SLC39A11: variants seen among roughly 807,000 people sequenced by gnomAD.
SLC39A11 encodes the protein solute carrier family 39 member 11, also known as zinc transporter ZIP11.
Under a neutral mutation model 36.1 loss-of-function variants are expected in SLC39A11, and 33 were observed. The observed-to-expected ratio is 0.91, with a 90% CI of 0.69 to 1.22. The LOEUF (loss-of-function observed/expected upper bound fraction) is 1.22. SLC39A11 is among the 50% of genes most tolerant of loss of function. The pLI is 0.00. For missense variants in SLC39A11, 432 were observed against 430.3 expected (o/e 1.00, Z -0.03); for synonymous variants, 166 against 170.3 (o/e 0.97, Z 0.20).
At chr17:72,686,700 G>C (rs2071768281) in intron 7 of SLC39A11, among the ~76,000 whole-genome samples, 1 of 152,180 alleles carries the variant, frequency 6.6e-6, no homozygotes, top group Non-Finnish European at 1.5e-5. Flanking sequence ...CCACAGGCAG[G>C]AATCAGGGCA....
At chr17:72,743,677 T>C (rs898891776) in intron 6 of SLC39A11, among the ~76,000 whole-genome samples, 1 of 151,802 alleles carries the variant, frequency 6.6e-6, no homozygotes, top group Non-Finnish European at 1.5e-5. Context: ...TAGTTATGCA[T>C]GCAGAAGGAA....
intron 7 of SLC39A11, among the ~76,000 whole-genome samples, chr17:72,685,039 A>T (rs57262674): frequency 0.49 from 74,242 of 152,126 alleles, 20,474 homozygotes; most frequent in South Asian, 0.67. Flanking sequence ...GAGCAGGGAA[A>T]TGATCATCGA....
chr17:73,056,331 G>A (rs143408006), intron 3 of SLC39A11, among the ~76,000 whole-genome samples: 2,423 of 152,214 alleles, frequency 0.016, 66 homozygotes, highest in African/African-American at 0.054. Flanking sequence ...ACCATGCCTA[G>A]CTAATTTTTG....
At chr17:72,691,626 T>C (rs2072033332) in intron 7 of SLC39A11, among the ~76,000 whole-genome samples, 2 of 152,212 alleles carry the variant, frequency 1.3e-5, no homozygotes, top group African/African-American at 4.8e-5. Context: ...TTGAGATGAA[T>C]TCCACTAACA....
chr17:72,855,220 T>C (rs1447144953), intron 5 of SLC39A11, among the ~76,000 whole-genome samples: 1 of 152,234 alleles, frequency 6.6e-6, no homozygotes, highest in Non-Finnish European at 1.5e-5. Flanking sequence ...AACATCTTGC[T>C]AGATAAATGC....
chr17:73,060,210 C>CAAAAAAAAAAAAAAAAAAA (rs33931672), intron 3 of SLC39A11, among the ~76,000 whole-genome samples: 3 of 70,344 alleles, frequency 4.3e-5, no homozygotes, highest in African/African-American at 5.6e-5. Context: ...AACTCCATCT[C>CAAAAAAAAAAAAAAAAAAA]AAAAAAAAAA....
Position 72,681,624 on chromosome 17 carries a change from G to A in SLC39A11, c.672-32356C>T, listed in dbSNP as rs566170574. ...AGACATTTTCACATTCTGAAACAAC[G>A]AGGGGTTGAACAACAACCCTTGAGC... On this transcript the variant is annotated intron_variant, in intron 7 of 9. Transcript: ENST00000255559. 5.9e-5 allele frequency among the ~76,000 whole-genome samples: 9 copies of A among 152,232 alleles called. No homozygotes were observed. In the East Asian group the frequency reaches 1.2e-3, roughly 20 times the overall value.
chr17:72,914,121 C>A (rs1475043244), intron 5 of SLC39A11, among the ~76,000 whole-genome samples: 1 of 151,760 alleles, frequency 6.6e-6, no homozygotes, highest in African/African-American at 2.4e-5. Flanking sequence ...TCAAGACCAT[C>A]CTGGCTAACA....
chr17:72,849,012 T>G (rs2079176835), intron 6 of SLC39A11, among the ~76,000 whole-genome samples: 1 of 152,180 alleles, frequency 6.6e-6, no homozygotes, highest in African/African-American at 2.4e-5. Context: ...GTACATATAG[T>G]GTATGTTATA....
intron 3 of SLC39A11, among the ~76,000 whole-genome samples, chr17:73,038,753 GGGAGGGAGGAGGGATGGA>G (rs1198591940): frequency 3.3e-5 from 4 of 120,582 alleles, no homozygotes; most frequent in South Asian, 3.0e-4. Context: ...GGAGGGAGGA[GGGAGGGAGGAGGGATGGA>G]GGAGGGAGGG....
rs550025310 is a variant in SLC39A11, at chr17:72,747,341, G to A, written c.602-10622C>T. On this transcript the variant is annotated intron_variant, in intron 6 of 9. Transcript: ENST00000255559. Reference sequence around the variant, plus strand: ...AATTTTTGTATTTTTAGTAGAGGCGGGGTTTTTGCCATGTTGGCCAGGCTG... The same window carrying A: ...AATTTTTGTATTTTTAGTAGAGGCGAGGTTTTTGCCATGTTGGCCAGGCTG... Among the ~76,000 whole-genome samples, 173 of 152,278 alleles carry A rather than the reference G, an allele frequency of 1.1e-3. 2 individuals carry two copies. The highest frequency in any genetic ancestry group is 6.8e-3 in the Middle Eastern group (2 of 294).
At chr17:72,697,150 A>G (rs2072342189) in intron 7 of SLC39A11, among the ~76,000 whole-genome samples, 1 of 152,140 alleles carries the variant, frequency 6.6e-6, no homozygotes, top group African/African-American at 2.4e-5. Flanking sequence ...TGGTCTGATC[A>G]CAGCTCGCTG....
At chr17:73,071,566 G>A (rs370936681) in intron 3 of SLC39A11, among the ~76,000 whole-genome samples, 2 of 152,172 alleles carry the variant, frequency 1.3e-5, no homozygotes, top group African/African-American at 4.8e-5. Context: ...CCAGCACAGT[G>A]GTCCCGATGG....
chr17:72,794,636 T>C (rs2076832621), intron 6 of SLC39A11, among the ~76,000 whole-genome samples: 1 of 151,980 alleles, frequency 6.6e-6, no homozygotes, highest in African/African-American at 2.4e-5. Flanking sequence ...CATTAGCACC[T>C]TACTTGTGCA....
intron 4 of SLC39A11, among the ~76,000 whole-genome samples, chr17:72,953,919 C>A (rs529167023): frequency 7.2e-5 from 11 of 152,214 alleles, no homozygotes; most frequent in Non-Finnish European, 1.3e-4. Flanking sequence ...CCGCACACAC[C>A]TTCTATCGCA....
chr17:73,066,168 T>C (rs2144379381), intron 3 of SLC39A11, among the ~76,000 whole-genome samples: 1 of 152,186 alleles, frequency 6.6e-6, no homozygotes, highest in South Asian at 2.1e-4. Context: ...CACTGCCATG[T>C]AAAGAAGCCT....
chr17:72,922,960 CAAAAAAA>C (rs10645750), intron 5 of SLC39A11, among the ~76,000 whole-genome samples: 5 of 44,066 alleles, frequency 1.1e-4, no homozygotes, highest in Admixed American at 2.6e-4. Flanking sequence ...GACTCCTTCT[CAAAAAAA>C]AAAAAAAAAA....
At chr17:72,670,878 T>C (rs2070992858) in intron 7 of SLC39A11, among the ~76,000 whole-genome samples, 1 of 152,186 alleles carries the variant, frequency 6.6e-6, no homozygotes, top group South Asian at 2.1e-4. Context: ...TCCCTTTTGC[T>C]GAGGAATGGT....
chr17:72,719,659 G>C (rs542566865), intron 7 of SLC39A11, among the ~76,000 whole-genome samples: 2 of 152,340 alleles, frequency 1.3e-5, no homozygotes, highest in African/African-American at 2.4e-5. Flanking sequence ...CAGTGCCCGG[G>C]AAAGCCGCAA....
Sources: allele counts gnomAD v4.1 joint callset (sites outside exome capture counted in the v4.1 genomes callset), GRCh38; gene constraint gnomAD v4.1.1; transcripts MANE v1.5; gene names NCBI Gene and HGNC (gene_info 2026-07-23, HGNC 2026-07-21).